Variants in PCDH7 observed in about 807,000 individuals in gnomAD.
PCDH7 encodes the protein protocadherin 7.
A neutral mutation model predicts 58.9 loss-of-function variants in PCDH7; 17 were observed. The observed-to-expected ratio is 0.29, with a 90% CI of 0.20 to 0.43. PCDH7 has a LOEUF of 0.43. Ranked by LOEUF, PCDH7 falls within the 20% of genes least tolerant of loss-of-function variation. PCDH7 has a pLI of 1.00. For missense variants in PCDH7, 1,274 were observed against 1,441.0 expected (o/e 0.88, Z 1.88); for synonymous variants, 664 against 616.4 (o/e 1.08, Z -1.14).
At chr4:31,113,279 C>A (rs923533985) in intron 3 of PCDH7, among the ~76,000 whole-genome samples, 1 of 152,058 alleles carries the variant, frequency 6.6e-6, no homozygotes, top group Non-Finnish European at 1.5e-5. Flanking sequence ...TTAGCACCCA[C>A]CAACATCAAC....
chr4:31,056,512 A>AGAAAGAAAGAAAGAAAGAAG (rs1560608886), intron 3 of PCDH7, among the ~76,000 whole-genome samples: 4 of 101,436 alleles, frequency 3.9e-5, no homozygotes, highest in African/African-American at 1.6e-4. Context: ...AAAGAAAGAA[A>AGAAAGAAAGAAAGAAAGAAG]GAAAGGGGAA....
intron 2 of PCDH7, among the ~76,000 whole-genome samples, chr4:30,946,899 A>C (rs749191281): frequency 1.3e-5 from 2 of 151,850 alleles, no homozygotes; most frequent in Non-Finnish European, 2.9e-5. Flanking sequence ...TTTAGTAGGG[A>C]TGGGGTTTTC....
chr4:30,985,350 T>C (rs1560555050), intron 3 of PCDH7, among the ~76,000 whole-genome samples: 1 of 152,212 alleles, frequency 6.6e-6, no homozygotes. Context: ...TGGTTCCTTT[T>C]CGGGAAACAT....
chr4:30,879,060 A>C (rs1736634754), intron 1 of PCDH7, among the ~76,000 whole-genome samples: 1 of 152,064 alleles, frequency 6.6e-6, no homozygotes, highest in African/African-American at 2.4e-5. Context: ...TAAGATCATT[A>C]AGAAGTGAAG....
intron 3 of PCDH7, among the ~76,000 whole-genome samples, chr4:31,061,243 G>A (rs1171631778): frequency 6.6e-6 from 1 of 151,496 alleles, no homozygotes; most frequent in Non-Finnish European, 1.5e-5. Flanking sequence ...TTGAATATTT[G>A]TGATTTTATT....
At chr4:30,745,672 G>T (rs1336144518) in intron 1 of PCDH7, among the ~76,000 whole-genome samples, 4 of 151,894 alleles carry the variant, frequency 2.6e-5, no homozygotes, top group African/African-American at 9.7e-5. Context: ...TTTTAAAGCT[G>T]TAACTAACAA....
At chr4:30,778,856 G>T (rs1426004743) in intron 1 of PCDH7, among the ~76,000 whole-genome samples, 1 of 152,028 alleles carries the variant, frequency 6.6e-6, no homozygotes, top group Non-Finnish European at 1.5e-5. Context: ...GAAATAAAGA[G>T]CCGAATTGAG....
At chr4:30,918,953 C>T (rs1004510168) in intron 1 of PCDH7, among the ~76,000 whole-genome samples, 6 of 152,030 alleles carry the variant, frequency 3.9e-5, no homozygotes, top group Non-Finnish European at 7.4e-5. Flanking sequence ...TGCATATAAT[C>T]CTTAATATTT....
At chr4:30,928,661 G>A (rs1744194840) in intron 2 of PCDH7, among the ~76,000 whole-genome samples, 1 of 152,122 alleles carries the variant, frequency 6.6e-6, no homozygotes, top group Non-Finnish European at 1.5e-5. Flanking sequence ...AAATTATACG[G>A]AAGAAACAAT....
At chr4:31,102,534 C>T (rs1180730232) in intron 3 of PCDH7, among the ~76,000 whole-genome samples, 1 of 152,004 alleles carries the variant, frequency 6.6e-6, no homozygotes, top group East Asian at 1.9e-4. Context: ...ACCAGCCTGG[C>T]CAACATGGCG....
chr4:31,052,186 T>C (rs962821236), intron 3 of PCDH7, among the ~76,000 whole-genome samples: 3 of 152,138 alleles, frequency 2.0e-5, no homozygotes, highest in Non-Finnish European at 4.4e-5. Flanking sequence ...AAATGATTTA[T>C]CATGCCTGTT....
chr4:30,948,619 A>G (rs1033846343), intron 2 of PCDH7, among the ~76,000 whole-genome samples: 11 of 152,146 alleles, frequency 7.2e-5, no homozygotes, highest in Non-Finnish European at 1.0e-4. Context: ...CAATGGTGCA[A>G]AAAGTATATG....
At chr4:30,901,161 G>T (rs1740167167) in intron 1 of PCDH7, among the ~76,000 whole-genome samples, 1 of 152,068 alleles carries the variant, frequency 6.6e-6, no homozygotes. Flanking sequence ...TGAATGAGAA[G>T]AAATACTCAT....
chr4:30,899,363 T>C (rs1444356005), intron 1 of PCDH7, among the ~76,000 whole-genome samples: 1 of 152,212 alleles, frequency 6.6e-6, no homozygotes, highest in African/African-American at 2.4e-5. Context: ...ATATTTTGTG[T>C]ATCTGGAAAT....
intron 1 of PCDH7, among the ~76,000 whole-genome samples, chr4:30,747,201 G>A (rs1221976472): frequency 6.6e-6 from 1 of 152,150 alleles, no homozygotes; most frequent in Non-Finnish European, 1.5e-5. Context: ...TAAGAAAATA[G>A]AAGCATGTTT....
chr4:30,783,263 C>T (rs569070132), intron 1 of PCDH7: 1 of 152,184 alleles, frequency 6.6e-6, no homozygotes, highest in Admixed American at 6.5e-5. Flanking sequence ...GGTTCAACTC[C>T]TCTATTATGC....
At chr4:30,958,012 C>T (rs116608938) in intron 3 of PCDH7, among the ~76,000 whole-genome samples, 1 of 151,720 alleles carries the variant, frequency 6.6e-6, no homozygotes, top group Non-Finnish European at 1.5e-5. Flanking sequence ...CTTTAGAGAC[C>T]GAAAATATCT....
chr4:30,740,865 A>C (rs1716976362), intron 1 of PCDH7, among the ~76,000 whole-genome samples: 1 of 129,786 alleles, frequency 7.7e-6, no homozygotes, highest in Non-Finnish European at 1.6e-5. Context: ...CATTTATATA[A>C]ATTTTTATGA....
At chr4:30,759,028 G>A (rs554527048) in intron 1 of PCDH7, among the ~76,000 whole-genome samples, 11 of 138,700 alleles carry the variant, frequency 7.9e-5, no homozygotes, top group East Asian at 2.5e-4. Flanking sequence ...TGCAACCTCC[G>A]CCTCCCAGGT....
Sources: gnomAD v4.1 joint callset for allele counts (sites outside exome capture counted in the v4.1 genomes callset) on GRCh38, gnomAD v4.1.1 for gene constraint, MANE v1.5 for transcripts, NCBI Gene and HGNC (gene_info 2026-07-23, HGNC 2026-07-21) for gene names.